PDE4D: variants seen among roughly 807,000 people sequenced by gnomAD.
The protein encoded by PDE4D is 3',5'-cyclic-AMP phosphodiesterase 4D.
In PDE4D, 24 loss-of-function variants were observed where a neutral mutation model predicts 87.4. The ratio of observed to expected loss-of-function variants is 0.27; its 90% CI spans 0.20 to 0.39. The LOEUF (loss-of-function observed/expected upper bound fraction) is 0.39, where lower values mean the gene tolerates loss of function less well. Among genes scored for constraint, PDE4D ranks in the 10% least tolerant of loss-of-function variants. PDE4D has a pLI of 1.00. For missense variants in PDE4D, 714 were observed against 1,041.0 expected (o/e 0.69, Z 4.32); for synonymous variants, 384 against 383.2 (o/e 1.00, Z -0.02).
intron 1 of PDE4D, among the ~76,000 whole-genome samples, chr5:59,710,174 C>T (rs1023151602): frequency 2.0e-5 from 3 of 152,078 alleles, no homozygotes; most frequent in African/African-American, 7.2e-5. Flanking sequence ...CAAGTCAGGA[C>T]CTTGAGTCAG....
intron 2 of PDE4D, among the ~76,000 whole-genome samples, chr5:60,107,344 T>G (rs1271844663): frequency 2.6e-5 from 4 of 151,954 alleles, no homozygotes; most frequent in Non-Finnish European, 5.9e-5. Context: ...AATAACAGGA[T>G]CTGAAATTGT....
intron 1 of PDE4D, among the ~76,000 whole-genome samples, chr5:59,665,921 G>A (rs1304657079): frequency 6.6e-6 from 1 of 152,148 alleles, no homozygotes; most frequent in Non-Finnish European, 1.5e-5. Flanking sequence ...CCAGCCTCCA[G>A]CACTATGAGA....
intron 1 of PDE4D, among the ~76,000 whole-genome samples, chr5:60,449,339 TTC>T (rs1000732618): frequency 2.6e-5 from 4 of 151,892 alleles, no homozygotes; most frequent in Non-Finnish European, 4.4e-5. Context: ...GAAACCATTA[TTC>T]TCTCTCTTCA....
At chr5:59,378,732 A>G (rs1785180987) in intron 1 of PDE4D, among the ~76,000 whole-genome samples, 1 of 152,210 alleles carries the variant, frequency 6.6e-6, no homozygotes, top group Non-Finnish European at 1.5e-5. Context: ...AAGCTTTTGC[A>G]TTGTGCCACA....
intron 1 of PDE4D, among the ~76,000 whole-genome samples, chr5:59,515,824 G>A (rs7717819): frequency 0.24 from 36,421 of 151,928 alleles, 5,735 homozygotes; most frequent in African/African-American, 0.46. Context: ...AGCTAGAAAG[G>A]TAAAGCAGAC....
chr5:59,185,734 C>T (rs1461786841), intron 3 of PDE4D, among the ~76,000 whole-genome samples: 1 of 152,212 alleles, frequency 6.6e-6, no homozygotes, highest in Non-Finnish European at 1.5e-5. Context: ...ACCTTTGCCA[C>T]ATGGCTACTC....
intron 1 of PDE4D, among the ~76,000 whole-genome samples, chr5:60,509,466 G>A (rs575918145): frequency 6.6e-6 from 1 of 152,302 alleles, no homozygotes; most frequent in Admixed American, 6.5e-5. Context: ...CAAGTAGGTG[G>A]ATTTGCAAAC....
At chr5:60,409,378 C>T (rs534253626) in intron 1 of PDE4D, among the ~76,000 whole-genome samples, 2 of 151,618 alleles carry the variant, frequency 1.3e-5, no homozygotes, top group African/African-American at 4.9e-5. Context: ...GGGGAGGGGG[C>T]AGAGGGGGTG....
At chr5:59,441,435 CAGG>C (rs1437654648) in intron 1 of PDE4D, among the ~76,000 whole-genome samples, 1 of 152,176 alleles carries the variant, frequency 6.6e-6, no homozygotes, top group Non-Finnish European at 1.5e-5. Context: ...ATTATCTAAA[CAGG>C]AGTTTTTATT....
chr5:60,511,912 T>C (rs150339969), intron 1 of PDE4D, among the ~76,000 whole-genome samples: 1 of 152,308 alleles, frequency 6.6e-6, no homozygotes, highest in Non-Finnish European at 1.5e-5. Flanking sequence ...TAATATTGTA[T>C]CCAAAATATT....
At chr5:59,892,019 C>G (rs1386122765) in intron 1 of PDE4D, among the ~76,000 whole-genome samples, 1 of 152,178 alleles carries the variant, frequency 6.6e-6, no homozygotes. Flanking sequence ...GACGACCCCT[C>G]TACTTTACTA....
At chr5:59,933,003 A>G (rs190310659) in intron 3 of PDE4D, among the ~76,000 whole-genome samples, 95 of 152,202 alleles carry the variant, frequency 6.2e-4, no homozygotes, top group African/African-American at 2.2e-3. Context: ...CTGGAGCCAT[A>G]CCAAAACACT....
intron 1 of PDE4D, among the ~76,000 whole-genome samples, chr5:60,325,246 T>C (rs978000324): frequency 6.6e-6 from 1 of 152,206 alleles, no homozygotes; most frequent in African/African-American, 2.4e-5. Context: ...TGACAGGTTC[T>C]TCTGGGACAG....
At chr5:59,478,188 A>G (rs1285702339) in intron 1 of PDE4D, among the ~76,000 whole-genome samples, 1 of 151,210 alleles carries the variant, frequency 6.6e-6, no homozygotes, top group South Asian at 2.1e-4. Flanking sequence ...CCCTGTATCT[A>G]AAATAAAAGT....
At chr5:59,847,829 A>G (rs1315616623) in intron 1 of PDE4D, among the ~76,000 whole-genome samples, 1 of 152,124 alleles carries the variant, frequency 6.6e-6, no homozygotes, top group African/African-American at 2.4e-5. Context: ...GGCAATGCCA[A>G]TTCCTCTGCT....
chr5:59,324,646 G>C (rs536660950), intron 1 of PDE4D, among the ~76,000 whole-genome samples: 13 of 152,218 alleles, frequency 8.5e-5, no homozygotes, highest in African/African-American at 3.1e-4. Context: ...GAGTTTACAG[G>C]AACAAACCAG....
At chr5:60,119,074 A>G (rs1481164905) in intron 2 of PDE4D, among the ~76,000 whole-genome samples, 1 of 152,160 alleles carries the variant, frequency 6.6e-6, no homozygotes, top group Non-Finnish European at 1.5e-5. Context: ...ACAAAAAATT[A>G]TTACTACCAA....
chr5:59,611,877 GC>G (rs1460087275), intron 1 of PDE4D, among the ~76,000 whole-genome samples: 1 of 152,080 alleles, frequency 6.6e-6, no homozygotes, highest in Non-Finnish European at 1.5e-5. Flanking sequence ...CATCACTAAA[GC>G]CAATCAGCCA....
At chr5:60,107,378 C>G (rs987070077) in intron 2 of PDE4D, among the ~76,000 whole-genome samples, 1 of 152,028 alleles carries the variant, frequency 6.6e-6, no homozygotes, top group Non-Finnish European at 1.5e-5. Context: ...AGCTTACCAA[C>G]CAAAAAGAGT....
Sources: gnomAD v4.1 joint callset for allele counts (sites outside exome capture counted in the v4.1 genomes callset) on GRCh38, gnomAD v4.1.1 for gene constraint, MANE v1.5 for transcripts, NCBI Gene and HGNC (gene_info 2026-07-23, HGNC 2026-07-21) for gene names.